The following TTC13 variants were observed in gnomAD, a reference collection of about 807,000 sequenced individuals.
TTC13 encodes the protein tetratricopeptide repeat domain 13, also known as tetratricopeptide repeat protein 13.
In TTC13, 62 loss-of-function variants were observed where a neutral mutation model predicts 120.0. That is an observed-to-expected ratio of 0.52 (90% confidence interval 0.42 to 0.64). TTC13 has a LOEUF of 0.64. Among genes scored for constraint, TTC13 ranks in the 30% least tolerant of loss-of-function variants. The pLI is 0.00. For synonymous variants in TTC13, 384 were observed against 393.5 expected, an observed-to-expected ratio of 0.98 and a Z score of 0.28; for missense variants, 824 against 1,050.2, an observed-to-expected ratio of 0.78 and a Z score of 2.98.
rs1678536569 is a variant in TTC13, at chr1:230,978,112, T to C, written c.271+448A>G. ...GGTCAGGAAGCCTGATTTCCAGGCC[T>C]AAGATGTGCCAGGCGTCTCCCTCCG... On this transcript the variant is annotated intron_variant, in intron 1 of 22. Transcript: ENST00000366661. This position sits in a 1 kb window ranked among gnomAD's most constrained non-coding sequence, Gnocchi z 5.6. Among the ~76,000 whole-genome samples the C allele has an allele frequency of 6.6e-6, 1 of 152,188 alleles. No homozygotes were observed.
chr1:230,956,417 T>C, intron 3 of TTC13: 1 of 203,066 alleles, frequency 4.9e-6, no homozygotes. Flanking sequence ...GCTCTGCCAC[T>C]CACCAGCCGT....
intron 18 of TTC13, among the ~76,000 whole-genome samples, chr1:230,913,193 A>C (rs1671682773): frequency 6.6e-6 from 1 of 152,228 alleles, no homozygotes; most frequent in Non-Finnish European, 1.5e-5. Context: ...TCAAAACAAA[A>C]AAAAAGTGGA....
At chr1:230,922,361 A>G (rs1345486650) in intron 15 of TTC13, among the ~76,000 whole-genome samples, 2 of 151,580 alleles carry the variant, frequency 1.3e-5, no homozygotes, top group African/African-American at 2.4e-5. Flanking sequence ...CAACTACACA[A>G]TTTTCCAACC....
intron 2 of TTC13, among the ~76,000 whole-genome samples, chr1:230,960,349 A>G (rs1197148990): frequency 1.3e-5 from 2 of 152,228 alleles, no homozygotes; most frequent in Non-Finnish European, 2.9e-5. Flanking sequence ...CTAACTGCCT[A>G]TACAAGATGG....
At chr1:230,963,675 A>AAAT (rs1277313545) in intron 1 of TTC13, among the ~76,000 whole-genome samples, 2 of 134,250 alleles carry the variant, frequency 1.5e-5, no homozygotes, top group African/African-American at 6.8e-5. Flanking sequence ...AATAAATAAA[A>AAAT]GAAAAAAGAA....
Position 230,907,022 on chromosome 1 carries a change from G to C in TTC13, c.2469-3C>G. The C allele has an allele frequency of 6.9e-7, 1 of 1,439,310 alleles. No homozygotes were observed. The highest frequency in any genetic ancestry group is 9.3e-7 in the Non-Finnish European group (1 of 1,076,952). The allele number at this position is 1,439,310 out of a possible 1,614,324, so 89.2% of individuals were successfully genotyped here. A position where few individuals can be genotyped will look rare whatever the true frequency, so the allele number is the denominator to read the frequency against. On this transcript the variant is annotated splice_region_variant and splice_polypyrimidine_tract_variant and intron_variant, in intron 22 of 22. Coordinates refer to ENST00000366661, the MANE Select transcript of TTC13 (RefSeq NM_024525.5). Reference sequence around the variant, plus strand: ...GAGTCTTATAAGAAGGTGAAATACTGAAAAAGAAAAACACAAAGTAGCGGC... The same window carrying C: ...GAGTCTTATAAGAAGGTGAAATACTCAAAAAGAAAAACACAAAGTAGCGGC...
intron 18 of TTC13, 61 bp from the exon 19 acceptor site, chr1:230,912,819 A>G (rs1007103467): frequency 2.0e-5 from 31 of 1,534,036 alleles, no homozygotes; most frequent in Non-Finnish European, 2.5e-5. Flanking sequence ...CCAAACACAG[A>G]AAGTTTTTTT....
chr1:230,948,549 G>A (rs1675233037), intron 4 of TTC13, among the ~76,000 whole-genome samples: 1 of 151,062 alleles, frequency 6.6e-6, no homozygotes, highest in South Asian at 2.1e-4. Flanking sequence ...CTAGAGTACA[G>A]TGGTGCAAGC....
At chr1:230,931,665 C>A in intron 10 of TTC13, 71 bp downstream of exon 10, 4 of 1,567,556 alleles carry the variant, frequency 2.6e-6, no homozygotes, top group South Asian at 2.3e-5. Flanking sequence ...CTTCTCTATT[C>A]ATTTCACTAA....
At chr1:230,947,709 C>T (rs1051963709) in intron 4 of TTC13, among the ~76,000 whole-genome samples, 1 of 152,148 alleles carries the variant, frequency 6.6e-6, no homozygotes, top group Non-Finnish European at 1.5e-5. Flanking sequence ...CAAACCTATG[C>T]TCAGATTTGT....
intron 2 of TTC13, among the ~76,000 whole-genome samples, chr1:230,960,575 G>GA (rs397983176): frequency 0.15 from 19,892 of 128,336 alleles, 1,511 homozygotes; most frequent in East Asian, 0.43. Flanking sequence ...GGCTTTGTTT[G>GA]AAAAAAAAAA....
At position 230,964,661 on chromosome 1, in the gene TTC13, C is replaced by T. The variant is rs77581201; in HGVS notation, c.272-3358G>A. On this transcript the variant is annotated intron_variant, in intron 1 of 22. Transcript: ENST00000366661. ...GTTAAATTATCAATTTGAATGCCAC[C>T]TTTATAATACATTATAGACATTAGG... is the stretch of plus-strand genomic sequence containing the variant. Among the ~76,000 whole-genome samples, 442 of 152,284 alleles carry T rather than the reference C, an allele frequency of 2.9e-3. 15 individuals are homozygous for T. In the East Asian group the frequency reaches 0.07, roughly 24 times the overall value.
Position 230,943,784 on chromosome 1 carries a change from G to C in TTC13, c.672+22C>G, listed in dbSNP as rs546637129. 293 of 1,571,290 alleles carry C rather than the reference G, an allele frequency of 1.9e-4. 3 individuals are homozygous for C. The South Asian group carries it at 3.2e-3, about 17-fold the overall frequency. ...TTCAACTAATCCAATAATGACAGAGGGAAAAAGAAAGCCACACTCACTTCT... is the reference window on the plus strand; with the variant it reads ...TTCAACTAATCCAATAATGACAGAGCGAAAAAGAAAGCCACACTCACTTCT... On this transcript the variant is annotated intron_variant, in intron 6 of 22. Coordinates refer to ENST00000366661, the MANE Select transcript of TTC13 (RefSeq NM_024525.5).
At chr1:230,907,686 T>C (rs764161006) in intron 22 of TTC13, among the ~76,000 whole-genome samples, 6 of 152,210 alleles carry the variant, frequency 3.9e-5, no homozygotes, top group Non-Finnish European at 8.8e-5. Flanking sequence ...TGAGCAATGG[T>C]AGACTACAGG....
chr1:230,959,765 G>A (rs1342697593), intron 2 of TTC13, among the ~76,000 whole-genome samples: 1 of 152,210 alleles, frequency 6.6e-6, no homozygotes, highest in East Asian at 1.9e-4. Context: ...ACAGAGTTGA[G>A]AAGCTATGCT....
chr1:230,936,054 G>A, intron 8 of TTC13: 1 of 383,106 alleles, frequency 2.6e-6, no homozygotes, highest in Non-Finnish European at 5.1e-6. Flanking sequence ...AGGTGGGGAT[G>A]GGGTGGGGCA....
intron 1 of TTC13, among the ~76,000 whole-genome samples, chr1:230,974,565 T>G (rs962739877): frequency 3.9e-5 from 6 of 152,202 alleles, no homozygotes; most frequent in African/African-American, 1.4e-4. Context: ...AACCAAGGTG[T>G]GTAATGGGCT....
chr1:230,921,559 G>T, intron 15 of TTC13, 55 bp from the exon 16 acceptor site: 5 of 885,272 alleles, frequency 5.6e-6, no homozygotes, highest in Non-Finnish European at 8.5e-6. Context: ...ATATGCTCAA[G>T]CCAACATCTA....
intron 16 of TTC13, 103 bp from the exon 17 acceptor site, chr1:230,920,697 G>A: frequency 1.6e-6 from 1 of 644,124 alleles, no homozygotes; most frequent in Non-Finnish European, 2.5e-6. Context: ...TCAATTTTGA[G>A]TAGCTAAACA....
Sources: gnomAD v4.1 joint callset for allele counts (sites outside exome capture counted in the v4.1 genomes callset) on GRCh38, gnomAD v4.1.1 for gene constraint, Gnocchi (gnomAD v3.1) non-coding constraint, MANE v1.5 for transcripts, NCBI Gene and HGNC (gene_info 2026-07-23, HGNC 2026-07-21) for gene names.